The following HOXA3 variants were observed in gnomAD, a reference collection of about 807,000 sequenced individuals.
HOXA3 encodes the protein homeobox A3.
Under a neutral mutation model 30.3 loss-of-function variants are expected in HOXA3, and 8 were observed. That is an observed-to-expected ratio of 0.26 (90% CI 0.15 to 0.48). HOXA3 has a LOEUF of 0.48. Among genes scored for constraint, HOXA3 ranks in the 20% least tolerant of loss-of-function variants. The probability of loss-of-function intolerance (pLI) is 0.99; values close to 1 mark genes in which losing one functional copy is unlikely to be tolerated. For missense variants in HOXA3, 653 were observed against 614.4 expected (o/e 1.06, Z -0.66); for synonymous variants, 323 against 273.1 (o/e 1.18, Z -1.80).
chr7:27,143,957 G>T (rs1254711346), intron 1 of HOXA3, among the ~76,000 whole-genome samples: 2 of 152,216 alleles, frequency 1.3e-5, no homozygotes, highest in African/African-American at 4.8e-5. Flanking sequence ...GCTTCCGACC[G>T]GGGGCTGCAA....
chr7:27,121,496 A>C (rs996017388), intron 4 of HOXA3, among the ~76,000 whole-genome samples: 1 of 152,218 alleles, frequency 6.6e-6, no homozygotes, highest in African/African-American at 2.4e-5. Flanking sequence ...ACAGACATAC[A>C]GTAGCTGAGA....
chr7:27,146,708 A>T (rs1481367801), intron 1 of HOXA3, among the ~76,000 whole-genome samples: 1 of 152,108 alleles, frequency 6.6e-6, no homozygotes, highest in Non-Finnish European at 1.5e-5. Flanking sequence ...CAGGTGTATG[A>T]AGCTCAGGCA....
chr7:27,141,303 TCA>T (rs1034169653), intron 1 of HOXA3: 8 of 153,962 alleles, frequency 5.2e-5, no homozygotes, highest in African/African-American at 1.7e-4. Flanking sequence ...ACAGTTTTCA[TCA>T]CAGAGTCACT....
chr7:27,135,130 T>C (rs945931458), intron 2 of HOXA3, among the ~76,000 whole-genome samples: 2 of 152,122 alleles, frequency 1.3e-5, no homozygotes, highest in Non-Finnish European at 2.9e-5. Flanking sequence ...CTATTCTCTT[T>C]CTTTTCTGCT....
rs148350002 is a variant in HOXA3, at chr7:27,110,238, G to C, written c.403C>G (p.Pro135Ala). The change falls in exon 5 of 6, where the codon CCT (proline) becomes GCT (alanine). Residue 135 changes from proline to alanine, a missense_variant. Transcript: ENST00000612286. The part of the protein sequence containing the change: ...ASPPQNASNN[P>A]TPANAAKSPL... ...CTCTTGGCCGCGTTGGCAGGGGTAG[G>C]GTTGTTGCTGGCATTCTGAGGAGGG... 6.2e-7 allele frequency: 1 copy of C among 1,614,076 alleles called. No homozygotes were observed. Among genetic ancestry groups the C allele is most frequent in the South Asian group, 1.1e-5 (1 of 91,074 alleles).
intron 1 of HOXA3, among the ~76,000 whole-genome samples, chr7:27,146,754 G>T (rs1471423068): frequency 9.9e-5 from 15 of 152,136 alleles, no homozygotes. Flanking sequence ...GCTAAGAGTG[G>T]GCAGTTGAGT....
chr7:27,139,320 G>A (rs1785818784), intron 2 of HOXA3, among the ~76,000 whole-genome samples: 1 of 152,136 alleles, frequency 6.6e-6, no homozygotes. Context: ...GTGCGGGGGA[G>A]GGGGTCCTGA....
At position 27,108,135 on chromosome 7, in the gene HOXA3, T is replaced by A; in HGVS notation, c.1112A>T (p.Tyr371Phe). Reference sequence around the variant, plus strand: ...CCCGGAGTTGCTCATGGGCTCCACATAGCTGCCCCCCACGAAGACGGGGCT... The same window carrying A: ...CCCGGAGTTGCTCATGGGCTCCACAAAGCTGCCCCCCACGAAGACGGGGCT... ...QGSPVFVGGS[Y>F]VEPMSNSGPA... The change falls in exon 6 of 6, where the codon TAT (tyrosine) becomes TTT (phenylalanine). Residue 371 changes from tyrosine (Y) to phenylalanine (F), a missense_variant. By Grantham distance (22) the Tyr-to-Phe change is conservative. Around this residue, in one of 3 missense-constraint regions of HOXA3, gnomAD observed 330 missense variants for 274.4 expected, o/e 1.20. Transcript: ENST00000612286. The surrounding 1 kb of genome is among the most constrained non-coding windows in gnomAD (Gnocchi z 5.0). The A allele has an allele frequency of 6.3e-7, 1 of 1,594,560 alleles. No individual in the cohort carries two copies. Among genetic ancestry groups the A allele is most frequent in the Non-Finnish European group, 8.6e-7 (1 of 1,167,650 alleles).
intron 1 of HOXA3, chr7:27,143,173 C>T (rs767938696): frequency 6.2e-7 from 1 of 1,610,540 alleles, no homozygotes; most frequent in East Asian, 2.2e-5. Flanking sequence ...CTCCGGACGC[C>T]GTGCCAACCC....
intron 1 of HOXA3, chr7:27,145,549 C>T: frequency 7.2e-7 from 1 of 1,384,636 alleles, no homozygotes; most frequent in Non-Finnish European, 9.8e-7. Context: ...CCTGAAGCTG[C>T]GGAAGCCCCC....
chr7:27,137,050 G>T (rs1003883466), intron 2 of HOXA3, among the ~76,000 whole-genome samples: 2 of 152,322 alleles, frequency 1.3e-5, no homozygotes, highest in East Asian at 1.9e-4. Flanking sequence ...AGCCAAGGCA[G>T]GGGGGAGGCT....
intron 2 of HOXA3, chr7:27,128,933 A>G: frequency 2.2e-6 from 1 of 461,096 alleles, no homozygotes; most frequent in Non-Finnish European, 4.0e-6. Flanking sequence ...TAGCCATCTC[A>G]AAAGTATTTG....
chr7:27,151,737 G>T (rs1212139524), intron 1 of HOXA3: 3 of 455,988 alleles, frequency 6.6e-6, no homozygotes, highest in Non-Finnish European at 1.3e-5. Context: ...TTCCCACGGA[G>T]TAGAAAGTGC....
intron 2 of HOXA3, among the ~76,000 whole-genome samples, chr7:27,133,834 A>C (rs970646818): frequency 2.0e-5 from 3 of 152,182 alleles, no homozygotes; most frequent in East Asian, 3.8e-4. Flanking sequence ...AATCTTACAC[A>C]TTGACAGTCT....
At chr7:27,147,314 A>C in intron 1 of HOXA3, 4 of 1,613,194 alleles carry the variant, frequency 2.5e-6, no homozygotes, top group Non-Finnish European at 3.4e-6. Context: ...TTACCCGCGC[A>C]GGAGTTCATC....
chr7:27,143,412 A>G (rs1267767513), intron 1 of HOXA3: 1 of 1,611,298 alleles, frequency 6.2e-7, no homozygotes, highest in African/African-American at 1.3e-5. Context: ...CGCTCTCCGG[A>G]GCCAAAGTGG....
intron 4 of HOXA3, among the ~76,000 whole-genome samples, chr7:27,118,210 G>A (rs931335138): frequency 6.6e-6 from 1 of 152,254 alleles, no homozygotes; most frequent in East Asian, 1.9e-4. Flanking sequence ...GCCCAGAACC[G>A]CTCCATGAGT....
intron 1 of HOXA3, chr7:27,145,749 T>C (rs1188564430): frequency 6.2e-7 from 1 of 1,614,258 alleles, no homozygotes; most frequent in Admixed American, 1.7e-5. Flanking sequence ...GCGGCGGTTC[T>C]GGAACCAGAT....
intron 1 of HOXA3, chr7:27,147,624 G>A (rs373980441): frequency 3.7e-6 from 6 of 1,614,122 alleles, no homozygotes; most frequent in Middle Eastern, 1.6e-4. Context: ...TCGACGCCCC[G>A]TACGAGGCCG....
Sources: allele counts gnomAD v4.1 joint callset (sites outside exome capture counted in the v4.1 genomes callset), GRCh38; gene constraint gnomAD v4.1.1; regional missense constraint gnomAD v4.1.1; non-coding constraint Gnocchi (gnomAD v3.1); transcripts MANE v1.5; gene names NCBI Gene and HGNC (gene_info 2026-07-23, HGNC 2026-07-21).